The following GREM2 variants were observed in gnomAD, a reference collection of about 807,000 sequenced individuals.
GREM2 encodes the protein gremlin-2.
In GREM2, 11 loss-of-function variants were observed where a neutral mutation model predicts 14.2. That is an observed-to-expected ratio of 0.78 (90% CI 0.49 to 1.28). GREM2 has a LOEUF of 1.28. GREM2 is among the 50% of genes most tolerant of loss of function. GREM2 has a pLI of 0.00. For missense variants in GREM2, 210 were observed against 218.5 expected (o/e 0.96, Z 0.24); for synonymous variants, 98 against 97.6 (o/e 1.00, Z -0.02).
At chr1:240,575,708 A>T (rs969673538) in intron 1 of GREM2, among the ~76,000 whole-genome samples, 1 of 151,836 alleles carries the variant, frequency 6.6e-6, no homozygotes, top group Non-Finnish European at 1.5e-5. Context: ...TATAGTAGAG[A>T]CGGGGTTTCA....
intron 1 of GREM2, among the ~76,000 whole-genome samples, chr1:240,591,030 T>A (rs1679703363): frequency 6.6e-6 from 1 of 151,958 alleles, no homozygotes; most frequent in Non-Finnish European, 1.5e-5. Context: ...TCTGCCCTCC[T>A]TGGCCTCCCG....
intron 1 of GREM2, among the ~76,000 whole-genome samples, chr1:240,576,739 C>T (rs929522167): frequency 2.6e-5 from 4 of 152,136 alleles, no homozygotes; most frequent in Non-Finnish European, 5.9e-5. Flanking sequence ...GACACTATAT[C>T]AGAAATTAAA....
intron 1 of GREM2, among the ~76,000 whole-genome samples, chr1:240,564,703 A>G (rs1489606837): frequency 6.6e-6 from 1 of 152,138 alleles, no homozygotes; most frequent in Non-Finnish European, 1.5e-5. Flanking sequence ...ACGAGGTCAT[A>G]TGGTTCTGTA....
intron 1 of GREM2, among the ~76,000 whole-genome samples, chr1:240,603,731 A>G (rs563271807): frequency 6.6e-6 from 1 of 152,260 alleles, no homozygotes; most frequent in East Asian, 1.9e-4. Flanking sequence ...ATATACTATT[A>G]CAAGGCAAGC....
intron 1 of GREM2, among the ~76,000 whole-genome samples, chr1:240,537,260 A>C (rs1272019074): frequency 6.6e-6 from 1 of 152,232 alleles, no homozygotes; most frequent in Non-Finnish European, 1.5e-5. Flanking sequence ...GGAAGGAAAG[A>C]AAATGCTGGA....
intron 1 of GREM2, among the ~76,000 whole-genome samples, chr1:240,597,181 C>A (rs551001037): frequency 3.3e-5 from 5 of 152,172 alleles, no homozygotes; most frequent in Non-Finnish European, 7.3e-5. Context: ...TAGAAGAAAG[C>A]CAGGAATGAG....
chr1:240,538,112 T>C (rs1678512375), intron 1 of GREM2, among the ~76,000 whole-genome samples: 5 of 152,218 alleles, frequency 3.3e-5, no homozygotes, highest in Admixed American at 3.3e-4. Flanking sequence ...CAAAGTAGGA[T>C]TGTCTAGAAA....
At chr1:240,511,029 T>C (rs1243867599) in intron 1 of GREM2, among the ~76,000 whole-genome samples, 9 of 152,256 alleles carry the variant, frequency 5.9e-5, no homozygotes, top group African/African-American at 2.2e-4. Flanking sequence ...AACACGTATA[T>C]GTGTTCAAAG....
chr1:240,523,553 T>C (rs1278221590), intron 1 of GREM2, among the ~76,000 whole-genome samples: 1 of 152,210 alleles, frequency 6.6e-6, no homozygotes, highest in Non-Finnish European at 1.5e-5. Flanking sequence ...TCACTGTTTT[T>C]TTTTGTTGTT....
Position 240,519,511 on chromosome 1 carries a change from T to C in GREM2, c.-1-26035A>G, listed in dbSNP as rs576534392. On this transcript the variant is annotated intron_variant, in intron 1 of 1. Coordinates refer to ENST00000318160, the MANE Select transcript of GREM2 (RefSeq NM_022469.4). ...TAATACTAAGTTTCAAAAATTATTT[T>C]TGGACTCTTGGTCAAGTTAGATATC... Among the ~76,000 whole-genome samples, 8 of 152,324 alleles carry C rather than the reference T, an allele frequency of 5.3e-5. No individual in the cohort carries two copies. The East Asian group carries it at 1.2e-3, about 22-fold the overall frequency.
In GREM2 at chr1:240,496,673, C is replaced by T. The variant is rs767861669; in HGVS notation, c.-1-3197G>A. On this transcript the variant is annotated intron_variant, in intron 1 of 1. Coordinates refer to ENST00000318160, the MANE Select transcript of GREM2 (RefSeq NM_022469.4). The stretch of plus-strand genomic sequence containing the variant: ...CTGCCTGTTTTGTTCATTGCCATGT[C>T]TCCTGCTCTCAGAACAGTGCCTGGT... Among the ~76,000 whole-genome samples, 59 of 152,168 alleles carry T rather than the reference C, an allele frequency of 3.9e-4. 1 individual carries two copies. The highest frequency in any genetic ancestry group is 2.5e-3 in the Admixed American group (38 of 15,264).
At chr1:240,551,612 G>C (rs72752859) in intron 1 of GREM2, among the ~76,000 whole-genome samples, 43,951 of 151,320 alleles carry the variant, frequency 0.29, 6,478 homozygotes, top group East Asian at 0.39. Flanking sequence ...CTTCAGGCAT[G>C]AGCCACCATG....
At chr1:240,608,550 C>T (rs1178984424) in intron 1 of GREM2, among the ~76,000 whole-genome samples, 2 of 152,124 alleles carry the variant, frequency 1.3e-5, no homozygotes, top group African/African-American at 4.8e-5. Context: ...ACCTATAGAG[C>T]CAGGTTGAAT....
rs1307267221 is a variant in GREM2 at position 240,493,232 on chromosome 1, C to G, written c.244G>C (p.Val82Leu). The G allele has an allele frequency of 6.2e-7, 1 of 1,614,048 alleles. No individual in the cohort carries two copies. Among genetic ancestry groups the G allele is most frequent in the Non-Finnish European group, 8.5e-7 (1 of 1,180,030 alleles). Residue 82 changes from valine to leucine, a missense_variant, in exon 2 of 2, where the codon GTG becomes CTG. Coordinates refer to ENST00000318160, the MANE Select transcript of GREM2 (RefSeq NM_022469.4). ...CGGCTCCGGCAGCCCTCCTCGCTCA[C>G]CGTCTGCCGCAGCGGCTGCGTCTTG... ...WCKTQPLRQT[V>L]SEEGCRSRTI... is the part of the protein sequence containing the mutation.
At chr1:240,535,034 T>C (rs1678446224) in intron 1 of GREM2, among the ~76,000 whole-genome samples, 1 of 152,152 alleles carries the variant, frequency 6.6e-6, no homozygotes, top group African/African-American at 2.4e-5. Flanking sequence ...ATCTAGTAGT[T>C]ATTATATAAA....
chr1:240,609,464 A>G (rs1389184540), intron 1 of GREM2, among the ~76,000 whole-genome samples: 1 of 151,984 alleles, frequency 6.6e-6, no homozygotes, highest in Non-Finnish European at 1.5e-5. Flanking sequence ...AAGAACTATC[A>G]AGAAGCAGCT....
rs1443484589 is a variant in GREM2 at position 240,584,195 on chromosome 1, C to T, written c.-2+27689G>A. On this transcript the variant is annotated intron_variant, in intron 1 of 1. Transcript: ENST00000318160. ...GCAACACAGTAAGACCCCATCTCTACAAAAAATTTTTTAAAATGGCCGGGC... is the reference window on the plus strand; with the variant it reads ...GCAACACAGTAAGACCCCATCTCTATAAAAAATTTTTTAAAATGGCCGGGC... Among the ~76,000 whole-genome samples the T allele has an allele frequency of 7.2e-5, 11 of 152,056 alleles. No homozygotes were observed. In the East Asian group the frequency reaches 1.4e-3, roughly 19 times the overall value.
At chr1:240,509,204 C>T (rs926367016) in intron 1 of GREM2, among the ~76,000 whole-genome samples, 3 of 152,054 alleles carry the variant, frequency 2.0e-5, no homozygotes, top group African/African-American at 7.2e-5. Context: ...TGGGCTGTGC[C>T]TTCTGCAGCT....
At chr1:240,535,467 G>T (rs1163449779) in intron 1 of GREM2, among the ~76,000 whole-genome samples, 1 of 152,270 alleles carries the variant, frequency 6.6e-6, no homozygotes, top group East Asian at 1.9e-4. Flanking sequence ...AGCCAAGAAT[G>T]ACATCCTTGG....
Sources: gnomAD v4.1 joint callset for allele counts (sites outside exome capture counted in the v4.1 genomes callset) on GRCh38, gnomAD v4.1.1 for gene constraint, MANE v1.5 for transcripts, NCBI Gene and HGNC (gene_info 2026-07-23, HGNC 2026-07-21) for gene names.